Variants in ALCAM observed in about 807,000 individuals in gnomAD.
ALCAM encodes the protein CD166 antigen.
A neutral mutation model predicts 70.9 loss-of-function variants in ALCAM; 30 were observed. The ratio of observed to expected loss-of-function variants is 0.42; its 90% confidence interval spans 0.32 to 0.57. The LOEUF (loss-of-function observed/expected upper bound fraction) is 0.57, where lower values mean the gene tolerates loss of function less well. Among genes scored for constraint, ALCAM ranks in the 20% least tolerant of loss-of-function variants. The pLI, the probability that ALCAM is intolerant of heterozygous loss-of-function variation, is 0.11. For missense variants in ALCAM, 591 were observed against 695.1 expected, an observed-to-expected ratio of 0.85 and a Z score of 1.68; for synonymous variants, 249 against 242.5, an observed-to-expected ratio of 1.03 and a Z score of -0.25.
At chr3:105,486,167 A>T (rs1454994028) in intron 1 of ALCAM, among the ~76,000 whole-genome samples, 1 of 152,112 alleles carries the variant, frequency 6.6e-6, no homozygotes, top group Non-Finnish European at 1.5e-5. Flanking sequence ...ATGCTTCATA[A>T]AATGGCATCC....
chr3:105,388,626 A>T (rs772540292), intron 1 of ALCAM, among the ~76,000 whole-genome samples: 5 of 151,610 alleles, frequency 3.3e-5, no homozygotes, highest in Non-Finnish European at 5.9e-5. Flanking sequence ...CTTCTGTTTC[A>T]AATTCTTTAT....
intron 1 of ALCAM, among the ~76,000 whole-genome samples, chr3:105,376,043 C>T (rs1050655020): frequency 1.3e-5 from 2 of 152,008 alleles, no homozygotes; most frequent in African/African-American, 2.4e-5. Flanking sequence ...TAACTCTCTC[C>T]AGAGTTAAAT....
At chr3:105,371,739 G>T (rs1935237835) in intron 1 of ALCAM, among the ~76,000 whole-genome samples, 1 of 152,058 alleles carries the variant, frequency 6.6e-6, no homozygotes, top group Admixed American at 6.5e-5. Context: ...CACCATCAAA[G>T]AGTTCTAGCT....
chr3:105,373,248 A>G (rs975164639), intron 1 of ALCAM, among the ~76,000 whole-genome samples: 3 of 152,108 alleles, frequency 2.0e-5, no homozygotes, highest in Non-Finnish European at 4.4e-5. Flanking sequence ...AACAGTGAAA[A>G]CCAGTAATAT....
chr3:105,484,151 C>G lies in ALCAM; in HGVS notation c.74-35916C>G, dbSNP rs1438075950. On this transcript the variant is annotated intron_variant, in intron 1 of 15. Coordinates refer to ENST00000306107, the MANE Select transcript of ALCAM (RefSeq NM_001627.4). ...GTAGACAAATATAGCCATTGTATGT[C>G]AAATACATATTATATATAAGAAAAT... Among the ~76,000 whole-genome samples the G allele has an allele frequency of 2.0e-5, 3 of 151,634 alleles. No homozygotes were observed. The East Asian group carries it at 5.8e-4, about 29-fold the overall frequency.
intron 3 of ALCAM, 35 bp from the exon 4 acceptor site, chr3:105,531,967 A>T: frequency 6.4e-7 from 1 of 1,566,670 alleles, no homozygotes. Context: ...TTTTTCTTAC[A>T]TATGTACTTA....
chr3:105,510,985 C>A (rs1392424437), intron 1 of ALCAM, among the ~76,000 whole-genome samples: 1 of 151,846 alleles, frequency 6.6e-6, no homozygotes, highest in Non-Finnish European at 1.5e-5. Flanking sequence ...GATTTCATAC[C>A]CTTAGAAATG....
intron 1 of ALCAM, among the ~76,000 whole-genome samples, chr3:105,396,453 A>T (rs1234914677): frequency 1.3e-5 from 2 of 152,058 alleles, no homozygotes; most frequent in Non-Finnish European, 2.9e-5. Context: ...GCAATGTCTC[A>T]AATCTGGAGA....
intron 11 of ALCAM, among the ~76,000 whole-genome samples, chr3:105,549,597 CA>C (rs1940342953): frequency 6.6e-6 from 1 of 151,360 alleles, no homozygotes; most frequent in African/African-American, 2.4e-5. Flanking sequence ...AGAGGGACAG[CA>C]ATCACTGAAA....
chr3:105,497,286 T>C (rs1028777199), intron 1 of ALCAM, among the ~76,000 whole-genome samples: 8 of 152,196 alleles, frequency 5.3e-5, no homozygotes, highest in Non-Finnish European at 1.2e-4. Context: ...AAGAGAAGAC[T>C]TCCCCAGCCA....
At chr3:105,397,680 TATA>T (rs1576133655) in intron 1 of ALCAM, among the ~76,000 whole-genome samples, 2 of 152,122 alleles carry the variant, frequency 1.3e-5, no homozygotes, top group East Asian at 3.9e-4. Flanking sequence ...ACTATTTACG[TATA>T]ATGATTGTCA....
intron 1 of ALCAM, among the ~76,000 whole-genome samples, chr3:105,369,235 C>T (rs1187735798): frequency 1.3e-5 from 2 of 152,184 alleles, no homozygotes; most frequent in Admixed American, 6.5e-5. Context: ...TTTTCGGTGC[C>T]GTCACAGGCG....
At chr3:105,522,120 G>A (rs1015770408) in intron 2 of ALCAM, among the ~76,000 whole-genome samples, 4 of 152,196 alleles carry the variant, frequency 2.6e-5, no homozygotes, top group South Asian at 4.1e-4. Context: ...TTAGTGAAAT[G>A]TGGGAGTTAG....
chr3:105,446,267 C>T (rs1190235006), intron 1 of ALCAM, among the ~76,000 whole-genome samples: 1 of 152,066 alleles, frequency 6.6e-6, no homozygotes, highest in Non-Finnish European at 1.5e-5. Flanking sequence ...ATCAAAACCA[C>T]AATGAGATAT....
At chr3:105,505,825 T>C (rs1004340478) in intron 1 of ALCAM, among the ~76,000 whole-genome samples, 4 of 152,198 alleles carry the variant, frequency 2.6e-5, no homozygotes, top group Non-Finnish European at 5.9e-5. Flanking sequence ...TAACCTACAC[T>C]ATTCTTCAGA....
chr3:105,559,243 A>G (rs1940581208), intron 14 of ALCAM, among the ~76,000 whole-genome samples: 1 of 148,074 alleles, frequency 6.8e-6, no homozygotes, highest in African/African-American at 2.5e-5. Flanking sequence ...ATGTGTACGT[A>G]TAACATATAT....
chr3:105,398,701 T>C (rs888421647), intron 1 of ALCAM, among the ~76,000 whole-genome samples: 1 of 152,138 alleles, frequency 6.6e-6, no homozygotes, highest in Non-Finnish European at 1.5e-5. Context: ...TTTGGTCATA[T>C]CTTTTGTACC....
intron 1 of ALCAM, among the ~76,000 whole-genome samples, chr3:105,483,214 G>C (rs1390875320): frequency 1.3e-5 from 2 of 152,096 alleles, no homozygotes; most frequent in Non-Finnish European, 2.9e-5. Flanking sequence ...TAAATGAGGG[G>C]AGAAGCTATA....
chr3:105,520,025 C>T, intron 1 of ALCAM, 42 bp from the exon 2 acceptor site: 2 of 1,347,676 alleles, frequency 1.5e-6, no homozygotes, highest in South Asian at 1.3e-5. Context: ...ATTTTGTTCT[C>T]TCTCTCTTTC....
Sources: gnomAD v4.1 joint callset for allele counts (sites outside exome capture counted in the v4.1 genomes callset) on GRCh38, gnomAD v4.1.1 for gene constraint, MANE v1.5 for transcripts, NCBI Gene and HGNC (gene_info 2026-07-23, HGNC 2026-07-21) for gene names.